The following MAPT variants were observed in gnomAD, a reference collection of about 807,000 sequenced individuals.
The protein encoded by MAPT is microtubule associated protein tau, also known as microtubule-associated protein tau.
A neutral mutation model predicts 67.9 loss-of-function variants in MAPT; 34 were observed. The observed-to-expected ratio is 0.50, with a 90% CI of 0.38 to 0.67. The LOEUF (loss-of-function observed/expected upper bound fraction) is 0.67. Ranked by LOEUF, MAPT falls within the 30% of genes least tolerant of loss-of-function variation. The pLI, the probability that MAPT is intolerant of heterozygous loss-of-function variation, is 0.00. For missense variants in MAPT, 881 were observed against 1,115.2 expected, an observed-to-expected ratio of 0.79 and a Z score of 2.99; for synonymous variants, 456 against 464.5, an observed-to-expected ratio of 0.98 and a Z score of 0.23.
chr17:45,922,486 AACACACACACACACAC>A (rs59017604), intron 1 of MAPT, among the ~76,000 whole-genome samples: 3 of 146,544 alleles, frequency 2.0e-5, no homozygotes, highest in Non-Finnish European at 3.0e-5. Flanking sequence ...CTAGCTAGAG[AACACACACACACACAC>A]ACACACACAC....
intron 1 of MAPT, among the ~76,000 whole-genome samples, chr17:45,911,513 C>T (rs1046392726): frequency 1.3e-5 from 2 of 152,176 alleles, no homozygotes; most frequent in Non-Finnish European, 2.9e-5. Flanking sequence ...GGAATCCCAG[C>T]ACTTTAGGAG....
chr17:45,998,061 C>T (rs1213474135), intron 9 of MAPT, among the ~76,000 whole-genome samples: 2 of 152,168 alleles, frequency 1.3e-5, no homozygotes, highest in Admixed American at 6.5e-5. Flanking sequence ...GCCTTCTGGG[C>T]ACTGGGCCTC....
chr17:45,906,076 G>A lies in MAPT; in HGVS notation c.-18+11390G>A, dbSNP rs762381818. The stretch of plus-strand genomic sequence containing the variant: ...GGGATGCATGGGTGGCCACAGCCCA[G>A]CCTGCACTGATCTTGTCTGTCCCCT... On this transcript the variant is annotated intron_variant, in intron 1 of 12. Transcript: ENST00000262410. This position sits in a 1 kb window ranked among gnomAD's most constrained non-coding sequence, Gnocchi z 4.3. Among the ~76,000 whole-genome samples, 4 of 152,204 alleles carry A rather than the reference G, an allele frequency of 2.6e-5. No homozygotes were observed. Among genetic ancestry groups the A allele is most frequent in the South Asian group, 2.1e-4 (1 of 4,832 alleles).
intron 1 of MAPT, among the ~76,000 whole-genome samples, chr17:45,958,917 G>A (rs978073564): frequency 2.6e-5 from 4 of 151,948 alleles, no homozygotes; most frequent in African/African-American, 7.3e-5. Flanking sequence ...ACAAAAATTC[G>A]CCAAGCGTGG....
Position 45,990,052 on chromosome 17 carries a change from G to A in MAPT, c.1582G>A (p.Gly528Arg). 1 of 1,614,150 alleles carries A rather than the reference G, an allele frequency of 6.2e-7. No individual in the cohort carries two copies. Among genetic ancestry groups the A allele is most frequent in the Non-Finnish European group, 8.5e-7 (1 of 1,180,036 alleles). ...TGTCACTTCCCGAACTGGCAGTTCT[G>A]GAGCAAAGGAGATGAAACTCAAGGT... ...SSVTSRTGSS[G>R]AKEMKLKGAD... Residue 528 changes from glycine to arginine, a missense_variant, in exon 7 of 13, where the codon GGA (glycine) becomes AGA (arginine). Gly to Arg is a moderately radical substitution (Grantham distance 125). Transcript: ENST00000262410.
At chr17:45,931,480 G>C (rs573624379) in intron 1 of MAPT, among the ~76,000 whole-genome samples, 1 of 152,170 alleles carries the variant, frequency 6.6e-6, no homozygotes, top group Admixed American at 6.5e-5. Context: ...TTGATCCTTT[G>C]ATTGCAGACT....
intron 1 of MAPT, among the ~76,000 whole-genome samples, chr17:45,916,886 T>C (rs77926909): frequency 0.14 from 21,906 of 152,196 alleles, 2,152 homozygotes; most frequent in Non-Finnish European, 0.22. Context: ...GTCCTTCCCC[T>C]GCAGATCCCC....
chr17:45,945,142 C>T (rs762520581), intron 1 of MAPT, among the ~76,000 whole-genome samples: 4 of 152,174 alleles, frequency 2.6e-5, no homozygotes, highest in Non-Finnish European at 5.9e-5. Context: ...TCCAAACCCA[C>T]CCAGTGCCAC....
chr17:46,027,159 C>A lies in MAPT; in HGVS notation c.*2988C>A, dbSNP rs1360691773. ...AGTTTCGGCTGCATTTCTTCACGCA[C>A]CTCGGTTCCTCTTCCTGAAGTTCTT... On this transcript the variant is annotated 3_prime_UTR_variant, in exon 13 of 13. Coordinates refer to ENST00000262410, the MANE Select transcript of MAPT (RefSeq NM_001377265.1). 1 of 152,280 alleles carries A rather than the reference C, an allele frequency of 6.6e-6. No individual in the cohort carries two copies. Among genetic ancestry groups the A allele is most frequent in the Admixed American group, 6.5e-5 (1 of 15,278 alleles). 9.4% of individuals were successfully genotyped at this position (152,280 alleles called of 1,614,324 possible). A position where few individuals can be genotyped will look rare whatever the true frequency, so the allele number is the denominator to read the frequency against.
chr17:45,928,047 A>G (rs17564780), intron 1 of MAPT, among the ~76,000 whole-genome samples: 21,193 of 149,362 alleles, frequency 0.14, 2,092 homozygotes, highest in Middle Eastern at 0.22. Flanking sequence ...GCACTTTGGC[A>G]ACTCCATCTC....
chr17:45,951,709 A>G (rs1282463620), intron 1 of MAPT, among the ~76,000 whole-genome samples: 1 of 151,478 alleles, frequency 6.6e-6, no homozygotes, highest in African/African-American at 2.4e-5. Context: ...CCCGGGCCTC[A>G]ATTTAGCTAA....
chr17:45,920,018 G>A (rs981836568), intron 1 of MAPT, among the ~76,000 whole-genome samples: 1 of 152,230 alleles, frequency 6.6e-6, no homozygotes, highest in African/African-American at 2.4e-5. Flanking sequence ...CTGTTACTGG[G>A]CCTTTGCAGG....
At chr17:45,902,676 C>G (rs1291796490) in intron 1 of MAPT, among the ~76,000 whole-genome samples, 1 of 152,128 alleles carries the variant, frequency 6.6e-6, no homozygotes, top group Non-Finnish European at 1.5e-5. Context: ...ACATAGAATC[C>G]CAACTTAAGA....
intron 9 of MAPT, among the ~76,000 whole-genome samples, chr17:46,009,568 G>C (rs1413080901): frequency 8.9e-6 from 1 of 112,846 alleles, no homozygotes; most frequent in Non-Finnish European, 2.4e-5. Context: ...GGGTGGGAGA[G>C]GGCTGGTGGG....
intron 9 of MAPT, among the ~76,000 whole-genome samples, chr17:46,009,421 C>T (rs1289641492): frequency 6.8e-6 from 1 of 147,290 alleles, no homozygotes; most frequent in Non-Finnish European, 1.5e-5. Context: ...TTCACACCTC[C>T]CTGGTGTCTG....
intron 3 of MAPT, 95 bp from the exon 4 acceptor site, chr17:45,978,280 T>A: frequency 1.0e-6 from 1 of 976,652 alleles, no homozygotes; most frequent in Non-Finnish European, 1.7e-6. Flanking sequence ...CCTGAATGTT[T>A]AAGGGAAAAT....
chr17:45,903,755 AT>A (rs67136360), intron 1 of MAPT, among the ~76,000 whole-genome samples: 11,108 of 79,530 alleles, frequency 0.14, 1,709 homozygotes, highest in Non-Finnish European at 0.19. Flanking sequence ...TTTTATATAT[AT>A]TTTTTTTATA....
At chr17:45,903,344 G>T (rs895638230) in intron 1 of MAPT, among the ~76,000 whole-genome samples, 4 of 152,108 alleles carry the variant, frequency 2.6e-5, no homozygotes, top group African/African-American at 9.7e-5. Context: ...TAATTGAACA[G>T]TGGCACCAAA....
At chr17:45,932,106 A>G (rs1401003354) in intron 1 of MAPT, 1 of 151,994 alleles carries the variant, frequency 6.6e-6, no homozygotes. Context: ...AAAAAAAGAA[A>G]CACAAAAACT....
Sources: allele counts gnomAD v4.1 joint callset (sites outside exome capture counted in the v4.1 genomes callset), GRCh38; gene constraint gnomAD v4.1.1; non-coding constraint Gnocchi (gnomAD v3.1); transcripts MANE v1.5; gene names NCBI Gene and HGNC (gene_info 2026-07-23, HGNC 2026-07-21).